Variants in RABGAP1L observed in about 807,000 individuals in gnomAD.
RABGAP1L encodes the protein rab GTPase-activating protein 1-like.
In RABGAP1L, 63 loss-of-function variants were observed where a neutral mutation model predicts 137.7. The observed-to-expected ratio is 0.46, with a 90% CI of 0.37 to 0.56. RABGAP1L has a LOEUF of 0.56. RABGAP1L is among the 20% of genes least tolerant of loss of function. RABGAP1L has a pLI of 0.00. For missense variants in RABGAP1L, 1,095 were observed against 1,244.0 expected (o/e 0.88, Z 1.80); for synonymous variants, 431 against 433.7 (o/e 0.99, Z 0.08).
At chr1:174,170,407 G>T (rs1010655700) in intron 1 of RABGAP1L, among the ~76,000 whole-genome samples, 1 of 152,114 alleles carries the variant, frequency 6.6e-6, no homozygotes, top group African/African-American at 2.4e-5. Context: ...GCCAGGCGCC[G>T]TGGCTCATGC....
chr1:174,304,959 T>C, intron 10 of RABGAP1L, 27 bp from the exon 11 acceptor site: 1 of 1,495,986 alleles, frequency 6.7e-7, no homozygotes, highest in East Asian at 2.6e-5. Flanking sequence ...TTTCTAATAC[T>C]TAAATATACT....
chr1:174,367,584 T>G (rs1684761169), intron 11 of RABGAP1L: 1 of 273,428 alleles, frequency 3.7e-6, no homozygotes, highest in African/African-American at 2.3e-5. Flanking sequence ...TTAGGTCTCT[T>G]GAGAACTGCA....
intron 18 of RABGAP1L, among the ~76,000 whole-genome samples, chr1:174,780,091 TAAATAAATAAATA>T (rs1686842734): frequency 6.7e-6 from 1 of 149,806 alleles, no homozygotes; most frequent in Non-Finnish European, 1.5e-5. Context: ...AATAAATAAA[TAAATAAATAAATA>T]AATAAATAAA....
chr1:174,318,628 CTTTCTTTT>C (rs1168162759), intron 11 of RABGAP1L, among the ~76,000 whole-genome samples: 1 of 136,010 alleles, frequency 7.4e-6, no homozygotes, highest in Non-Finnish European at 1.6e-5. Flanking sequence ...TTCTTTCTTT[CTTTCTTTT>C]TCTTTCTTTT....
At chr1:174,730,481 A>T (rs1240649803) in intron 17 of RABGAP1L, among the ~76,000 whole-genome samples, 1 of 152,152 alleles carries the variant, frequency 6.6e-6, no homozygotes. Flanking sequence ...AGTCGGAAAA[A>T]ACCCCAAACA....
chr1:174,293,090 T>C (rs745494560), intron 10 of RABGAP1L, among the ~76,000 whole-genome samples: 1 of 148,858 alleles, frequency 6.7e-6, no homozygotes, highest in Non-Finnish European at 1.5e-5. Context: ...AAAATTATGA[T>C]AATCTAACAC....
At chr1:174,590,417 G>T (rs1186200547) in intron 13 of RABGAP1L, among the ~76,000 whole-genome samples, 1 of 109,710 alleles carries the variant, frequency 9.1e-6, no homozygotes, top group African/African-American at 3.8e-5. Flanking sequence ...AGTTACATAT[G>T]TATACATGTG....
intron 11 of RABGAP1L, among the ~76,000 whole-genome samples, chr1:174,323,239 G>A (rs1680164702): frequency 6.6e-6 from 1 of 151,950 alleles, no homozygotes; most frequent in Non-Finnish European, 1.5e-5. Flanking sequence ...TTTTAGCCCT[G>A]AGAAATAACT....
intron 18 of RABGAP1L, among the ~76,000 whole-genome samples, chr1:174,810,264 C>T (rs1689738183): frequency 6.6e-6 from 1 of 152,026 alleles, no homozygotes. Flanking sequence ...GAAAGACAGA[C>T]AAAGAGGGGA....
chr1:174,507,299 T>C (rs1281032469), intron 13 of RABGAP1L, among the ~76,000 whole-genome samples: 4 of 152,074 alleles, frequency 2.6e-5, no homozygotes, highest in Non-Finnish European at 4.4e-5. Flanking sequence ...ATTTAGAAAA[T>C]TAAGAAAAGG....
At chr1:174,843,595 T>C (rs1421018755) in intron 19 of RABGAP1L, among the ~76,000 whole-genome samples, 38 of 115,180 alleles carry the variant, frequency 3.3e-4, no homozygotes, top group African/African-American at 1.1e-3. Context: ...CCATGGTGTA[T>C]ATGTGCCACA....
chr1:174,693,140 G>A (rs1235538831), intron 15 of RABGAP1L, among the ~76,000 whole-genome samples: 1 of 152,120 alleles, frequency 6.6e-6, no homozygotes, highest in Admixed American at 6.5e-5. Flanking sequence ...AAATATAGTT[G>A]TCCCTCAGTA....
At chr1:174,833,368 T>TTGTGTGTGTGTGTGTGTGTG (rs71117578) in intron 19 of RABGAP1L, among the ~76,000 whole-genome samples, 1 of 108,476 alleles carries the variant, frequency 9.2e-6, no homozygotes, top group Non-Finnish European at 1.9e-5. Flanking sequence ...ACCAGCTAAT[T>TTGTGTGTGTGTGTGTGTGTG]TGTGTGTGTG....
chr1:174,267,727 T>G (rs1179599649), intron 7 of RABGAP1L, among the ~76,000 whole-genome samples: 1 of 152,244 alleles, frequency 6.6e-6, no homozygotes, highest in Non-Finnish European at 1.5e-5. Context: ...TTAAAATACT[T>G]TAATTTTTGT....
At chr1:174,849,066 A>G (rs900430751) in intron 19 of RABGAP1L, among the ~76,000 whole-genome samples, 11 of 152,190 alleles carry the variant, frequency 7.2e-5, no homozygotes, top group Non-Finnish European at 1.3e-4. Flanking sequence ...AGGTGAGGCA[A>G]TGCCTCGCCC....
At chr1:174,720,677 C>T (rs1315275777) in intron 17 of RABGAP1L, among the ~76,000 whole-genome samples, 1 of 152,016 alleles carries the variant, frequency 6.6e-6, no homozygotes, top group Non-Finnish European at 1.5e-5. Flanking sequence ...CCCCTCTCTC[C>T]ATATAAAAGA....
At position 174,672,426 on chromosome 1, in the gene RABGAP1L, TTTTG is replaced by T. The variant is rs1677255522; in HGVS notation, c.1825-11088_1825-11085del. 2.0e-5 allele frequency among the ~76,000 whole-genome samples: 3 copies of T among 151,414 alleles called. No individual in the cohort carries two copies. The South Asian group carries it at 6.3e-4, about 32-fold the overall frequency. On this transcript the variant is annotated intron_variant, in intron 14 of 25. Transcript: ENST00000681986. The stretch of plus-strand genomic sequence containing the variant: ...CTCCTGAGTAGCTGGGATTACAGGT[TTTTG>T]TTTGTTTTGTTTTGTTTTTACTTTC...
At chr1:174,303,959 G>A (rs76912418) in intron 10 of RABGAP1L, among the ~76,000 whole-genome samples, 11,769 of 152,170 alleles carry the variant, frequency 0.077, 664 homozygotes, top group East Asian at 0.33. Flanking sequence ...TGTTGAATGA[G>A]AGTGGTGACA....
chr1:174,550,942 A>G (rs1666432051), intron 13 of RABGAP1L, among the ~76,000 whole-genome samples: 1 of 132,126 alleles, frequency 7.6e-6, no homozygotes, highest in African/African-American at 3.2e-5. Flanking sequence ...ACACATATAT[A>G]TACACACATA....
Sources: allele counts gnomAD v4.1 joint callset (sites outside exome capture counted in the v4.1 genomes callset), GRCh38; gene constraint gnomAD v4.1.1; transcripts MANE v1.5; gene names NCBI Gene and HGNC (gene_info 2026-07-23, HGNC 2026-07-21).